The following PTPRD variants were observed in gnomAD, a reference collection of about 807,000 sequenced individuals.
The protein encoded by PTPRD is receptor-type tyrosine-protein phosphatase delta.
In PTPRD, 34 loss-of-function variants were observed where a neutral mutation model predicts 214.5. The ratio of observed to expected loss-of-function variants is 0.16; its 90% confidence interval spans 0.12 to 0.21. The LOEUF is 0.21. PTPRD is among the 10% of genes least tolerant of loss of function. The pLI, the probability that PTPRD is intolerant of heterozygous loss-of-function variation, is 1.00. For synonymous variants in PTPRD, 1,128 were observed against 845.7 expected, an observed-to-expected ratio of 1.33 and a Z score of -5.79; for missense variants, 2,545 against 2,398.7, an observed-to-expected ratio of 1.06 and a Z score of -1.27.
At chr9:10,567,555 C>G (rs918033325) in intron 2 of PTPRD, among the ~76,000 whole-genome samples, 4 of 152,000 alleles carry the variant, frequency 2.6e-5, no homozygotes, top group Non-Finnish European at 5.9e-5. Context: ...GCTTATAGCC[C>G]TACCCTTTTG....
intron 10 of PTPRD, among the ~76,000 whole-genome samples, chr9:9,058,076 C>T (rs10816041): frequency 0.13 from 19,392 of 152,030 alleles, 1,473 homozygotes; most frequent in East Asian, 0.34. Flanking sequence ...ATTCACAGGA[C>T]TCCTTAAACA....
chr9:8,976,481 G>C (rs1404281280), intron 11 of PTPRD, among the ~76,000 whole-genome samples: 1 of 152,022 alleles, frequency 6.6e-6, no homozygotes, highest in Non-Finnish European at 1.5e-5. Flanking sequence ...AACTCTTCTA[G>C]TAAATAAAAT....
At chr9:9,842,095 T>G (rs2058466507) in intron 5 of PTPRD, among the ~76,000 whole-genome samples, 1 of 151,984 alleles carries the variant, frequency 6.6e-6, no homozygotes. Context: ...GATGTATATA[T>G]ACATATTTAT....
At chr9:10,374,644 G>C (rs2097693008) in intron 2 of PTPRD, among the ~76,000 whole-genome samples, 1 of 152,018 alleles carries the variant, frequency 6.6e-6, no homozygotes. Context: ...CATTTTAAAA[G>C]AAGTGGGAGG....
chr9:9,301,913 G>A (rs1955465139), intron 9 of PTPRD, among the ~76,000 whole-genome samples: 1 of 151,886 alleles, frequency 6.6e-6, no homozygotes, highest in East Asian at 1.9e-4. Context: ...TATAATGAGA[G>A]CAGAAGCTGA....
Position 8,471,464 on chromosome 9 carries a change from G to C in PTPRD, c.3414-379C>G, listed in dbSNP as rs537092020. Among the ~76,000 whole-genome samples, 4 of 152,168 alleles carry C rather than the reference G, an allele frequency of 2.6e-5. No homozygotes were observed. In the East Asian group the frequency reaches 7.7e-4, roughly 29 times the overall value. ...CTATGACATGAATTTATAAGAAGAT[G>C]TTTTTAAAAGGAGGATATAGATGAA... On this transcript the variant is annotated intron_variant, in intron 30 of 45. Coordinates refer to ENST00000381196, the MANE Select transcript of PTPRD (RefSeq NM_002839.4).
At chr9:8,863,433 T>C (rs1268817177) in intron 11 of PTPRD, among the ~76,000 whole-genome samples, 1 of 152,212 alleles carries the variant, frequency 6.6e-6, no homozygotes, top group Non-Finnish European at 1.5e-5. Flanking sequence ...TATACTCTAA[T>C]TACCTTTCCT....
intron 5 of PTPRD, among the ~76,000 whole-genome samples, chr9:9,911,985 C>G (rs536697197): frequency 5.3e-5 from 8 of 152,000 alleles, no homozygotes; most frequent in African/African-American, 1.9e-4. Flanking sequence ...AAAGTAAGAT[C>G]TTAATAATGT....
At chr9:9,911,789 A>G (rs2079264265) in intron 5 of PTPRD, among the ~76,000 whole-genome samples, 1 of 152,092 alleles carries the variant, frequency 6.6e-6, no homozygotes, top group Admixed American at 6.6e-5. Flanking sequence ...TAAATAAGAG[A>G]AAATGTTAAT....
Position 10,031,647 on chromosome 9 carries a change from T to TATATATATATATATATATATATACACAC in PTPRD, c.-472+2070_-472+2071insGTGTGTATATATATATATATATATATAT. On this transcript the variant is annotated intron_variant, in intron 4 of 45. Coordinates refer to ENST00000381196, the MANE Select transcript of PTPRD (RefSeq NM_002839.4). ...CTCCATATATATATATATATATATA[T>TATATATATATATATATATATATACACAC]ACACACACACACACACACATACACA... Among the ~76,000 whole-genome samples the TATATATATATATATATATATATACACAC allele has an allele frequency of 8.5e-4, 76 of 89,580 alleles. 1 individual carries two copies. Among genetic ancestry groups the TATATATATATATATATATATATACACAC allele is most frequent in the African/African-American group, 5.2e-3 (64 of 12,306 alleles). The allele number at this position is 89,580 out of a possible 152,430, so 58.8% of individuals were successfully genotyped here. A position where few individuals can be genotyped will look rare whatever the true frequency, so the allele number is the denominator to read the frequency against.
chr9:10,152,898 T>A (rs992840215), intron 3 of PTPRD, among the ~76,000 whole-genome samples: 1 of 152,004 alleles, frequency 6.6e-6, no homozygotes. Context: ...TTTTATTTAC[T>A]AAGTGATATA....
chr9:8,805,833 G>C (rs894327964), intron 11 of PTPRD, among the ~76,000 whole-genome samples: 72 of 150,498 alleles, frequency 4.8e-4, no homozygotes, highest in Admixed American at 1.2e-3. Flanking sequence ...GTCTCTAGTA[G>C]AAATACAAAA....
intron 35 of PTPRD, among the ~76,000 whole-genome samples, chr9:8,421,706 C>G (rs1396355893): frequency 6.6e-6 from 1 of 152,062 alleles, no homozygotes; most frequent in Non-Finnish European, 1.5e-5. Context: ...TAGTTTCCCT[C>G]CATCAAATGT....
At chr9:10,577,155 A>T (rs530969545) in intron 2 of PTPRD, among the ~76,000 whole-genome samples, 3 of 152,192 alleles carry the variant, frequency 2.0e-5, no homozygotes, top group Non-Finnish European at 4.4e-5. Context: ...AAATAAAGAA[A>T]ACTGCATGTC....
At chr9:8,771,148 T>C (rs1240809273) in intron 11 of PTPRD, among the ~76,000 whole-genome samples, 4 of 145,466 alleles carry the variant, frequency 2.7e-5, no homozygotes, top group Non-Finnish European at 4.4e-5. Flanking sequence ...ACCACTGCAC[T>C]CCAGCCTGGG....
At chr9:9,664,597 G>C (rs2096680457) in intron 7 of PTPRD, among the ~76,000 whole-genome samples, 1 of 151,664 alleles carries the variant, frequency 6.6e-6, no homozygotes, top group African/African-American at 2.4e-5. Context: ...TTGTTAGACA[G>C]TTCCATCAAA....
intron 2 of PTPRD, among the ~76,000 whole-genome samples, chr9:10,525,933 T>C (rs1261532070): frequency 6.6e-6 from 1 of 152,058 alleles, no homozygotes; most frequent in Non-Finnish European, 1.5e-5. Flanking sequence ...ATCCAAGACA[T>C]AGTTACTAAC....
At chr9:8,881,005 A>C (rs1046396258) in intron 11 of PTPRD, among the ~76,000 whole-genome samples, 3 of 152,070 alleles carry the variant, frequency 2.0e-5, no homozygotes, top group African/African-American at 7.2e-5. Flanking sequence ...GAGGTGAAGT[A>C]ATCCACCCAC....
chr9:10,571,068 T>C (rs966306636), intron 2 of PTPRD, among the ~76,000 whole-genome samples: 1 of 152,162 alleles, frequency 6.6e-6, no homozygotes, highest in African/African-American at 2.4e-5. Context: ...CATATTTGCA[T>C]TATAGTGAAG....
Sources: gnomAD v4.1 joint callset for allele counts (sites outside exome capture counted in the v4.1 genomes callset) on GRCh38, gnomAD v4.1.1 for gene constraint, MANE v1.5 for transcripts, NCBI Gene and HGNC (gene_info 2026-07-23, HGNC 2026-07-21) for gene names.